NYAP2: variants seen among roughly 807,000 people sequenced by gnomAD.
NYAP2 encodes the protein neuronal tyrosine-phosphorylated phosphoinositide-3-kinase adapter 2.
Under a neutral mutation model 50.4 loss-of-function variants are expected in NYAP2, and 23 were observed. The observed-to-expected ratio is 0.46, with a 90% confidence interval of 0.33 to 0.65. The LOEUF (loss-of-function observed/expected upper bound fraction) is 0.65, where lower values mean the gene tolerates loss of function less well. Among genes scored for constraint, NYAP2 ranks in the 30% least tolerant of loss-of-function variants. The pLI is 0.02. For missense variants in NYAP2, 885 were observed against 861.0 expected (o/e 1.03, Z -0.35); for synonymous variants, 394 against 365.2 (o/e 1.08, Z -0.90).
At position 225,477,603 on chromosome 2, in the gene NYAP2, A is replaced by G. The variant is rs571102249; in HGVS notation, c.222-35768A>G. 7.2e-5 allele frequency among the ~76,000 whole-genome samples: 11 copies of G among 152,280 alleles called. No homozygotes were observed. In the East Asian group the frequency reaches 2.1e-3, roughly 29 times the overall value. On this transcript the variant is annotated intron_variant, in intron 3 of 6. Coordinates refer to ENST00000636099, the Ensembl canonical transcript of NYAP2. ...TGCTGGTCTCTGGACCTAACTTTGA[A>G]TAGCAAAGGCCCTGACTAATTTCCT...
intron 4 of NYAP2, among the ~76,000 whole-genome samples, chr2:225,546,717 A>T (rs1691591472): frequency 6.6e-6 from 1 of 152,042 alleles, no homozygotes; most frequent in African/African-American, 2.4e-5. Flanking sequence ...TGAAAGACTA[A>T]GTCCCCTTTA....
intron 3 of NYAP2, among the ~76,000 whole-genome samples, chr2:225,432,055 C>T (rs534819996): frequency 7.3e-4 from 111 of 152,072 alleles, no homozygotes; most frequent in African/African-American, 2.4e-3. Context: ...CTGCAAGCTC[C>T]GTCTCCCAGG....
chr2:225,399,615 T>C (rs1033019216), upstream of NYAP2: 3 of 151,998 alleles, frequency 2.0e-5, no homozygotes, highest in Non-Finnish European at 4.4e-5. Flanking sequence ...CTAGTTTTGT[T>C]CTCATGCCAT....
At chr2:225,504,350 A>G (rs1318782909) in intron 3 of NYAP2, among the ~76,000 whole-genome samples, 3 of 152,170 alleles carry the variant, frequency 2.0e-5, no homozygotes, top group Non-Finnish European at 4.4e-5. Flanking sequence ...TTTGCCCCCA[A>G]GACTTAATCA....
In NYAP2 at chr2:225,460,414, G is replaced by A. The variant is rs530408515; in HGVS notation, c.221+51313G>A. Among the ~76,000 whole-genome samples, 5 of 152,264 alleles carry A rather than the reference G, an allele frequency of 3.3e-5. No individual in the cohort carries two copies. In the South Asian group the frequency reaches 1.0e-3, roughly 32 times the overall value. On this transcript the variant is annotated intron_variant, in intron 3 of 6. Transcript: ENST00000636099. ...CAGATTTCATTAGAAAGCTTACTGAGTTACAAAATAAAGTCACATTTGGTG... is the reference window on the plus strand; with the variant it reads ...CAGATTTCATTAGAAAGCTTACTGAATTACAAAATAAAGTCACATTTGGTG...
intron 6 of NYAP2, among the ~76,000 whole-genome samples, chr2:225,635,958 G>A (rs1693407134): frequency 3.3e-5 from 5 of 152,170 alleles, no homozygotes; most frequent in Non-Finnish European, 7.3e-5. Flanking sequence ...TCCAGCTTGA[G>A]ATTCATTTAT....
intron 3 of NYAP2, among the ~76,000 whole-genome samples, chr2:225,429,811 C>G (rs949194868): frequency 2.6e-5 from 4 of 152,154 alleles, no homozygotes; most frequent in Non-Finnish European, 5.9e-5. Flanking sequence ...TCTGGTGCAT[C>G]TATGATAGAG....
chr2:225,677,354 CAA>C, the NYAP2 span, among the ~76,000 whole-genome samples: 5 of 152,184 alleles, frequency 3.3e-5, no homozygotes, highest in African/African-American at 4.8e-5. Context: ...ATATCTTTGG[CAA>C]AGAGAGAATA....
At chr2:225,558,538 T>A (rs1046951242) in intron 4 of NYAP2, among the ~76,000 whole-genome samples, 1 of 152,150 alleles carries the variant, frequency 6.6e-6, no homozygotes, top group African/African-American at 2.4e-5. Flanking sequence ...CTGTCCTCTC[T>A]CTCCAATAAC....
At chr2:225,433,154 T>C (rs1689296630) in intron 3 of NYAP2, among the ~76,000 whole-genome samples, 1 of 152,224 alleles carries the variant, frequency 6.6e-6, no homozygotes, top group African/African-American at 2.4e-5. Flanking sequence ...ATTGTAAGTA[T>C]ACCAACTTCA....
chr2:225,633,860 T>C (rs1693364463), intron 6 of NYAP2, among the ~76,000 whole-genome samples: 1 of 152,236 alleles, frequency 6.6e-6, no homozygotes, highest in Non-Finnish European at 1.5e-5. Flanking sequence ...AATTCACTTC[T>C]TTTAGCTGGG....
chr2:225,569,238 CA>C (rs1692021597), intron 4 of NYAP2, among the ~76,000 whole-genome samples: 1 of 152,124 alleles, frequency 6.6e-6, no homozygotes, highest in South Asian at 2.1e-4. Flanking sequence ...TGGCTTATGA[CA>C]AAAGTCTGTT....
chr2:225,674,958 A>G, the NYAP2 span, among the ~76,000 whole-genome samples: 1 of 152,118 alleles, frequency 6.6e-6, no homozygotes, highest in African/African-American at 2.4e-5. Flanking sequence ...CCCCAGTCTT[A>G]TGTGTTAACA....
chr2:225,528,968 T>G (rs1247506648), intron 4 of NYAP2, among the ~76,000 whole-genome samples: 1 of 152,242 alleles, frequency 6.6e-6, no homozygotes, highest in Non-Finnish European at 1.5e-5. Flanking sequence ...GGCAGAATAC[T>G]AAATGTAACC....
intron 3 of NYAP2, among the ~76,000 whole-genome samples, chr2:225,439,853 A>G (rs113227007): frequency 0.017 from 2,566 of 152,166 alleles, 60 homozygotes; most frequent in African/African-American, 0.059. Context: ...GAACTCCCAT[A>G]CTCTAATTTT....
rs115196862 is a variant in NYAP2 at position 225,548,521 on chromosome 2, T to C, written c.524-33420T>C. Among the ~76,000 whole-genome samples, 1,222 of 151,950 alleles carry C rather than the reference T, an allele frequency of 8.0e-3. 13 individuals carry two copies. The highest frequency in any genetic ancestry group is 0.027 in the African/African-American group (1,131 of 41,404). On this transcript the variant is annotated intron_variant, in intron 4 of 6. Coordinates refer to ENST00000636099, the Ensembl canonical transcript of NYAP2. ...CTATGTGTCTCTGGAGAGTTGGAGGTTTACTGGGGATGTCAAGTGTCCTGA... is the reference window on the plus strand; with the variant it reads ...CTATGTGTCTCTGGAGAGTTGGAGGCTTACTGGGGATGTCAAGTGTCCTGA...
At chr2:225,416,209 T>A (rs2106123828) in intron 3 of NYAP2, among the ~76,000 whole-genome samples, 1 of 152,292 alleles carries the variant, frequency 6.6e-6, no homozygotes. Flanking sequence ...ATCCAGATTT[T>A]CTTCCTCAAA....
chr2:225,678,998 T>A, the NYAP2 span, among the ~76,000 whole-genome samples: 1 of 152,190 alleles, frequency 6.6e-6, no homozygotes, highest in Non-Finnish European at 1.5e-5. Context: ...TTGGTTTTCT[T>A]ATCATTGTTC....
intron 5 of NYAP2, among the ~76,000 whole-genome samples, chr2:225,607,065 C>T (rs562980052): frequency 6.6e-6 from 1 of 152,098 alleles, no homozygotes; most frequent in Non-Finnish European, 1.5e-5. Context: ...TCTCATCAAA[C>T]ATCATTTCTT....
Sources: allele counts gnomAD v4.1 joint callset (sites outside exome capture counted in the v4.1 genomes callset), GRCh38; gene constraint gnomAD v4.1.1; transcripts MANE v1.5; gene names NCBI Gene and HGNC (gene_info 2026-07-23, HGNC 2026-07-21).